GLI3: variants seen among roughly 807,000 people sequenced by gnomAD.
GLI3 encodes the protein GLI family zinc finger 3.
GLI3 carries 20 observed loss-of-function variants against 100.8 expected under a neutral mutation model. The ratio of observed to expected loss-of-function variants is 0.20; its 90% CI spans 0.14 to 0.29. GLI3 has a LOEUF of 0.29. GLI3 is among the 10% of genes least tolerant of loss of function. The probability of loss-of-function intolerance (pLI) is 1.00; values close to 1 mark genes in which losing one functional copy is unlikely to be tolerated. For missense variants in GLI3, 2,040 were observed against 2,128.5 expected (o/e 0.96, Z 0.82); for synonymous variants, 938 against 860.5 (o/e 1.09, Z -1.58).
chr7:42,182,644 GTATATATATATATATATA>G (rs764864618), intron 2 of GLI3, among the ~76,000 whole-genome samples: 10 of 51,674 alleles, frequency 1.9e-4, no homozygotes, highest in East Asian at 4.4e-4. Flanking sequence ...ATATGTGTGT[GTATATATATATATATATA>G]TATATATATA....
chr7:42,136,264 A>G (rs1786426048), intron 3 of GLI3, among the ~76,000 whole-genome samples: 1 of 152,230 alleles, frequency 6.6e-6, no homozygotes, highest in African/African-American at 2.4e-5. Context: ...CAGGAGCACC[A>G]TGAGAAGGAC....
chr7:42,166,504 T>C (rs1278200601), intron 2 of GLI3, among the ~76,000 whole-genome samples: 1 of 151,896 alleles, frequency 6.6e-6, no homozygotes, highest in African/African-American at 2.4e-5. Context: ...AGCATCCCTG[T>C]GGGCCTTGGC....
chr7:42,049,661 C>A lies in GLI3; in HGVS notation c.474-965G>T, dbSNP rs545242754. Among the ~76,000 whole-genome samples the A allele has an allele frequency of 4.9e-4, 74 of 152,346 alleles. No individual in the cohort carries two copies. The Middle Eastern group carries it at 0.01, about 21-fold the overall frequency. On this transcript the variant is annotated intron_variant, in intron 4 of 14. Coordinates refer to ENST00000395925, the MANE Select transcript of GLI3 (RefSeq NM_000168.6). ...GAGATTCCTCAAAATCCCCTCACACCTGCTGCCCCATAGCCACAGCCACAC... is the reference window on the plus strand; with the variant it reads ...GAGATTCCTCAAAATCCCCTCACACATGCTGCCCCATAGCCACAGCCACAC...
At chr7:42,213,895 A>T (rs567064911) in intron 2 of GLI3, among the ~76,000 whole-genome samples, 1 of 152,264 alleles carries the variant, frequency 6.6e-6, no homozygotes, top group South Asian at 2.1e-4. Context: ...CACAGCACCC[A>T]AACGGCTTTC....
chr7:42,213,444 C>T (rs1562788550), intron 2 of GLI3, among the ~76,000 whole-genome samples: 2 of 152,102 alleles, frequency 1.3e-5, no homozygotes, highest in Non-Finnish European at 2.9e-5. Flanking sequence ...AATTGAGTTT[C>T]GTGACTGGTG....
Position 41,966,180 on chromosome 7 carries a change from C to G in GLI3, c.2893G>C (p.Glu965Gln). Residue 965 changes from glutamate (E) to glutamine (Q), a missense_variant, in exon 15 of 15, where the codon GAG (glutamate) becomes CAG (glutamine). Glu to Gln is a conservative substitution (Grantham distance 29). This residue lies in a region of GLI3 where 1,041 missense variants were observed against 924.0 expected (regional missense o/e 1.13). Transcript: ENST00000395925. The surrounding 1 kb of genome is among the most constrained non-coding windows in gnomAD (Gnocchi z 5.8). ...TRLALLGDAL[E>Q]PGVALPPVHA... ...ACTGGAGGCAGGGCCACGCCAGGCTCGAGGGCATCCCCGAGCAGCGCCAGG... is the reference window on the plus strand; with the variant it reads ...ACTGGAGGCAGGGCCACGCCAGGCTGGAGGGCATCCCCGAGCAGCGCCAGG... 6.2e-7 allele frequency: 1 copy of G among 1,603,106 alleles called. No individual in the cohort carries two copies. The highest frequency in any genetic ancestry group is 8.5e-7 in the Non-Finnish European group (1 of 1,177,434).
intron 3 of GLI3, among the ~76,000 whole-genome samples, chr7:42,129,705 G>A (rs1329458330): frequency 6.6e-6 from 1 of 152,140 alleles, no homozygotes; most frequent in Admixed American, 6.5e-5. Context: ...CAGCCACTAG[G>A]GAGGCTGAGG....
chr7:42,168,720 A>G (rs946719559), intron 2 of GLI3, among the ~76,000 whole-genome samples: 9 of 152,088 alleles, frequency 5.9e-5, no homozygotes, highest in Admixed American at 5.9e-4. Context: ...ATTCGAGACC[A>G]GCCTGGGCAA....
At chr7:42,056,667 T>C (rs7794103) in intron 4 of GLI3, among the ~76,000 whole-genome samples, 77,631 of 151,858 alleles carry the variant, frequency 0.51, 20,472 homozygotes, top group African/African-American at 0.61. Context: ...AATAAGTTTA[T>C]TGGCCGGGCA....
intron 10 of GLI3, among the ~76,000 whole-genome samples, chr7:41,984,481 A>G (rs1210312636): frequency 2.0e-5 from 3 of 152,174 alleles, no homozygotes; most frequent in African/African-American, 7.2e-5. Flanking sequence ...TGACTTCTTC[A>G]GAATGCTACC....
At chr7:42,026,930 A>G (rs985424181) in intron 7 of GLI3, among the ~76,000 whole-genome samples, 3 of 152,256 alleles carry the variant, frequency 2.0e-5, no homozygotes, top group Admixed American at 2.0e-4. Context: ...AGCTTGGTTC[A>G]TCCAGAATGC....
At chr7:42,173,147 T>C (rs1042168167) in intron 2 of GLI3, among the ~76,000 whole-genome samples, 6 of 152,218 alleles carry the variant, frequency 3.9e-5, no homozygotes, top group African/African-American at 1.4e-4. Flanking sequence ...GGTGAAATAC[T>C]TGATGCCTGG....
At chr7:42,039,998 A>G (rs1399779230) in intron 7 of GLI3, 40 bp downstream of exon 7, 1 of 1,454,586 alleles carries the variant, frequency 6.9e-7, no homozygotes, top group South Asian at 1.1e-5. Flanking sequence ...TGCTGACATT[A>G]CATTTAAAAA....
chr7:42,020,889 C>CAAA (rs371389453), intron 10 of GLI3, among the ~76,000 whole-genome samples: 16 of 113,114 alleles, frequency 1.4e-4, no homozygotes, highest in Non-Finnish European at 1.8e-4. Flanking sequence ...GACTCCGTCT[C>CAAA]AAAAAAAAAA....
At chr7:41,975,644 C>T (rs186425149) in intron 12 of GLI3, among the ~76,000 whole-genome samples, 7 of 152,178 alleles carry the variant, frequency 4.6e-5, no homozygotes, top group South Asian at 4.1e-4. Context: ...CACAACATTG[C>T]ACTTTTTACC....
chr7:42,209,822 T>C (rs554311838), intron 2 of GLI3, among the ~76,000 whole-genome samples: 6 of 128,062 alleles, frequency 4.7e-5, no homozygotes, highest in African/African-American at 1.4e-4. Flanking sequence ...TTCTCTCTCT[T>C]TTTTTTTTTT....
chr7:41,966,564 C>T lies in GLI3; in HGVS notation c.2509G>A (p.Asp837Asn). ...LPGRSDLSGV[D>N]VTMLNMLNRR... ...TTGAGCATGTTCAGCATAGTGACGTCCACCCCAGAGAGGTCGCTTCTGCCC... is the reference window on the plus strand; with the variant it reads ...TTGAGCATGTTCAGCATAGTGACGTTCACCCCAGAGAGGTCGCTTCTGCCC... The change falls in exon 15 of 15, where the codon GAC (aspartate) becomes AAC (asparagine). Residue 837 changes from aspartate to asparagine, a missense_variant. Physicochemically the swap from Asp to Asn is conservative, Grantham distance 23. This residue lies in a region of GLI3 where 327 missense variants were observed against 338.7 expected (regional missense o/e 0.97). Coordinates refer to ENST00000395925, the MANE Select transcript of GLI3 (RefSeq NM_000168.6). The surrounding 1 kb of genome is among the most constrained non-coding windows in gnomAD (Gnocchi z 5.8). 2 of 1,614,072 alleles carry T rather than the reference C, an allele frequency of 1.2e-6. No individual in the cohort carries two copies. The highest frequency in any genetic ancestry group is 2.2e-5 in the South Asian group (2 of 91,086).
chr7:41,973,533 A>G (rs1787422403), intron 12 of GLI3, among the ~76,000 whole-genome samples: 1 of 152,234 alleles, frequency 6.6e-6, no homozygotes, highest in African/African-American at 2.4e-5. Flanking sequence ...TTGGCTCATG[A>G]CCAACATCGG....
intron 1 of GLI3, 116 bp from the exon 2 acceptor site, chr7:42,223,411 A>C: frequency 3.2e-6 from 2 of 618,984 alleles, no homozygotes; most frequent in Non-Finnish European, 5.6e-6. Flanking sequence ...GAAATTCAAA[A>C]TGTGGATGAC....
Sources: gnomAD v4.1 joint callset for allele counts (sites outside exome capture counted in the v4.1 genomes callset) on GRCh38, gnomAD v4.1.1 for gene constraint, gnomAD v4.1.1 regional missense constraint, Gnocchi (gnomAD v3.1) non-coding constraint, MANE v1.5 for transcripts, NCBI Gene and HGNC (gene_info 2026-07-23, HGNC 2026-07-21) for gene names.